RBMS1: variants seen among roughly 807,000 people sequenced by gnomAD.
RBMS1 encodes RNA-binding motif, single-stranded-interacting protein 1.
Under a neutral mutation model 62.3 loss-of-function variants are expected in RBMS1, and 17 were observed. The observed-to-expected ratio is 0.27, with a 90% CI of 0.19 to 0.41. The LOEUF (loss-of-function observed/expected upper bound fraction) is 0.41, where lower values mean the gene tolerates loss of function less well. Among genes scored for constraint, RBMS1 ranks in the 10% least tolerant of loss-of-function variants. RBMS1 has a pLI of 1.00. For missense variants in RBMS1, 334 were observed against 504.5 expected (o/e 0.66, Z 3.24); for synonymous variants, 172 against 170.0 (o/e 1.01, Z -0.09).
intron 1 of RBMS1, among the ~76,000 whole-genome samples, chr2:160,397,679 C>T (rs1275922844): frequency 6.6e-6 from 1 of 152,174 alleles, no homozygotes; most frequent in African/African-American, 2.4e-5. Flanking sequence ...CTCCACCCTC[C>T]TTTCCCGCCC....
At position 160,493,704 on chromosome 2, in the gene RBMS1, TGGCCGC is replaced by T; in HGVS notation, c.-347_-342del. 2 of 361,120 alleles carry T rather than the reference TGGCCGC, an allele frequency of 5.5e-6. No individual in the cohort carries two copies. The highest frequency in any genetic ancestry group is 8.4e-5 in the Admixed American group (2 of 23,848). The allele number at this position is 361,120 out of a possible 1,614,324, so 22.4% of individuals were successfully genotyped here. A position where few individuals can be genotyped will look rare whatever the true frequency, so the allele number is the denominator to read the frequency against. On this transcript the variant is annotated 5_prime_UTR_variant, in exon 1 of 14. Transcript: ENST00000348849. ...CCGGGGCTGCCAAGGGCTGGCGCGC[TGGCCGC>T]GGTCCGCTCGGGCGAGCCGGCTGCG... is the stretch of plus-strand genomic sequence containing the variant.
intron 4 of RBMS1, among the ~76,000 whole-genome samples, chr2:160,309,151 C>G (rs1689712484): frequency 6.6e-6 from 1 of 152,198 alleles, no homozygotes; most frequent in Non-Finnish European, 1.5e-5. Context: ...GGACACTTAA[C>G]TGACTGCTCA....
chr2:160,439,134 G>A (rs370806637), intron 1 of RBMS1, among the ~76,000 whole-genome samples: 3 of 148,210 alleles, frequency 2.0e-5, no homozygotes, highest in Middle Eastern at 7.6e-3. Context: ...GCGGCTGGCC[G>A]GGCGGGGGGC....
chr2:160,336,318 T>G (rs1300830728), intron 2 of RBMS1, among the ~76,000 whole-genome samples: 1 of 152,150 alleles, frequency 6.6e-6, no homozygotes, highest in Non-Finnish European at 1.5e-5. Context: ...ATCTAAATAC[T>G]AAGTGAACTG....
At chr2:160,350,753 T>C (rs1407507512) in intron 2 of RBMS1, among the ~76,000 whole-genome samples, 4 of 152,178 alleles carry the variant, frequency 2.6e-5, no homozygotes, top group African/African-American at 9.7e-5. Context: ...CAGTCTATCA[T>C]TGTTGGACAT....
chr2:160,432,689 A>G (rs1682948688), intron 1 of RBMS1, among the ~76,000 whole-genome samples: 1 of 152,134 alleles, frequency 6.6e-6, no homozygotes, highest in African/African-American at 2.4e-5. Flanking sequence ...GATATAAGGT[A>G]TAAGGAATGT....
At chr2:160,307,446 G>A (rs992168379) in intron 4 of RBMS1, among the ~76,000 whole-genome samples, 8 of 151,632 alleles carry the variant, frequency 5.3e-5, no homozygotes, top group African/African-American at 1.9e-4. Context: ...GGCCATAGGA[G>A]GAAATGAAAG....
At chr2:160,355,227 T>C (rs1028408354) in intron 2 of RBMS1, among the ~76,000 whole-genome samples, 2 of 152,100 alleles carry the variant, frequency 1.3e-5, no homozygotes, top group Non-Finnish European at 2.9e-5. Flanking sequence ...CAGTGAGTAA[T>C]AAACAAACAG....
chr2:160,283,232 A>C (rs574932421), intron 9 of RBMS1: 6 of 152,326 alleles, frequency 3.9e-5, no homozygotes, highest in African/African-American at 1.4e-4. Context: ...ACTTGCCCCT[A>C]TTTTCAGTGA....
intron 6 of RBMS1, among the ~76,000 whole-genome samples, chr2:160,291,232 G>C (rs6757491): frequency 0.69 from 105,420 of 152,006 alleles, 37,094 homozygotes; most frequent in East Asian, 0.8. Flanking sequence ...CAGTTAACAG[G>C]TGGAGAAACT....
chr2:160,328,040 T>C (rs1399875864), intron 2 of RBMS1, among the ~76,000 whole-genome samples: 1 of 152,136 alleles, frequency 6.6e-6, no homozygotes, highest in Admixed American at 6.6e-5. Flanking sequence ...GACAATGTTA[T>C]AATGGAAAGA....
chr2:160,428,606 C>T (rs543158036), intron 1 of RBMS1, among the ~76,000 whole-genome samples: 22 of 152,166 alleles, frequency 1.4e-4, no homozygotes, highest in Non-Finnish European at 2.6e-4. Context: ...TGTCAACCTA[C>T]GAGACAGTAC....
intron 2 of RBMS1, among the ~76,000 whole-genome samples, chr2:160,365,829 C>G (rs1449313138): frequency 6.6e-6 from 1 of 152,180 alleles, no homozygotes; most frequent in Non-Finnish European, 1.5e-5. Context: ...ACTGAAAGGC[C>G]AGCAGCAGAG....
rs111302337 is a variant in RBMS1 at position 160,303,538 on chromosome 2, T to C, written c.403-51A>G. The C allele has an allele frequency of 8.9e-4, 1,382 of 1,546,020 alleles. 15 individuals carry two copies. The African/African-American group carries it at 0.017, about 19-fold the overall frequency. The stretch of plus-strand genomic sequence containing the variant: ...TTAATTTCCAACAGAAGGTGAGATA[T>C]TTATGTTAACACACCTATTTTTATT... On this transcript the variant is annotated intron_variant, in intron 4 of 13. Coordinates refer to ENST00000348849, the MANE Select transcript of RBMS1 (RefSeq NM_016836.4).
chr2:160,383,212 C>G lies in RBMS1; in HGVS notation c.76-15821G>C, dbSNP rs1005150025. 5.9e-5 allele frequency among the ~76,000 whole-genome samples: 9 copies of G among 152,234 alleles called. No homozygotes were observed. The Middle Eastern group carries it at 0.01, about 173-fold the overall frequency. On this transcript the variant is annotated intron_variant, in intron 1 of 13. Coordinates refer to ENST00000348849, the MANE Select transcript of RBMS1 (RefSeq NM_016836.4). Reference sequence around the variant, plus strand: ...CCCCCTGAAAGCTGTAAGGGAGAAGCCTTCCTTGCCTCTTCCAGTAGCGAC... The same window carrying G: ...CCCCCTGAAAGCTGTAAGGGAGAAGGCTTCCTTGCCTCTTCCAGTAGCGAC...
At chr2:160,287,530 C>T (rs1688462840) in intron 6 of RBMS1, among the ~76,000 whole-genome samples, 1 of 152,214 alleles carries the variant, frequency 6.6e-6, no homozygotes. Context: ...AAACAAGCCA[C>T]CTCTACACTG....
chr2:160,481,802 A>G (rs758538456), intron 1 of RBMS1, among the ~76,000 whole-genome samples: 1 of 152,214 alleles, frequency 6.6e-6, no homozygotes, highest in Non-Finnish European at 1.5e-5. Context: ...TAAAACCACA[A>G]TGAGATATCC....
chr2:160,344,450 G>GAAC (rs1198711175), intron 2 of RBMS1, among the ~76,000 whole-genome samples: 3 of 152,098 alleles, frequency 2.0e-5, no homozygotes, highest in Non-Finnish European at 4.4e-5. Context: ...CTGCCTTGAT[G>GAAC]AACACTTCAT....
At position 160,490,431 on chromosome 2, in the gene RBMS1, A is replaced by G. The variant is rs573065350; in HGVS notation, c.75+2858T>C. On this transcript the variant is annotated intron_variant, in intron 1 of 13. Coordinates refer to ENST00000348849, the MANE Select transcript of RBMS1 (RefSeq NM_016836.4). Reference sequence around the variant, plus strand: ...ATTTCCACTCATGTCCTGCTCTTCCATAGTACACTCAAGTTTATTTTACAT... The same window carrying G: ...ATTTCCACTCATGTCCTGCTCTTCCGTAGTACACTCAAGTTTATTTTACAT... Among the ~76,000 whole-genome samples the G allele has an allele frequency of 2.0e-5, 3 of 152,190 alleles. No individual in the cohort carries two copies. The East Asian group carries it at 5.8e-4, about 29-fold the overall frequency.
Sources: allele counts gnomAD v4.1 joint callset (sites outside exome capture counted in the v4.1 genomes callset), GRCh38; gene constraint gnomAD v4.1.1; transcripts MANE v1.5; gene names NCBI Gene and HGNC (gene_info 2026-07-23, HGNC 2026-07-21).